Variants in TBC1D8B observed in about 807,000 individuals in gnomAD.
TBC1D8B encodes the protein TBC1 domain family member 8B, also known as RP11-321G1.1.
TBC1D8B carries 75 observed loss-of-function variants against 82.9 expected under a neutral mutation model. The ratio of observed to expected loss-of-function variants is 0.90; its 90% CI spans 0.75 to 1.10. The LOEUF (loss-of-function observed/expected upper bound fraction) is 1.10. Ranked by LOEUF, TBC1D8B falls within the 50% of genes least tolerant of loss-of-function variation. The pLI, the probability that TBC1D8B is intolerant of heterozygous loss-of-function variation, is 0.00. For missense variants in TBC1D8B, 794 were observed against 796.9 expected (o/e 1.00, Z 0.04); for synonymous variants, 276 against 276.8 (o/e 1.00, Z 0.03).
chrX:106,831,943 A>G (rs1435804669), intron 7 of TBC1D8B, among the ~76,000 whole-genome samples: 2 of 111,462 alleles, frequency 1.8e-5, no homozygotes, highest in Admixed American at 9.6e-5. Flanking sequence ...TCTAGTTTTA[A>G]TAATAGTACA....
chrX:106,823,611 G>A (rs967896843), intron 5 of TBC1D8B, 145 bp downstream of exon 5: 13 of 574,322 alleles, frequency 2.3e-5, no homozygotes, highest in Admixed American at 2.0e-4. Context: ...TGTGTTTTGT[G>A]AGTTTATTCA....
intron 10 of TBC1D8B, among the ~76,000 whole-genome samples, chrX:106,843,443 G>T (rs1932365147): frequency 9.0e-6 from 1 of 111,122 alleles, no homozygotes; most frequent in East Asian, 2.8e-4. Context: ...CTTTCTTTTT[G>T]ATTGCAGCCA....
In TBC1D8B at chrX:106,802,767, G is replaced by A. The variant is rs1931064470; in HGVS notation, c.-87G>A. On this transcript the variant is annotated 5_prime_UTR_variant, in exon 1 of 21. Coordinates refer to ENST00000357242, the MANE Select transcript of TBC1D8B (RefSeq NM_017752.3). ...GCTGTCGCCTGAGGAAGATTTGGTGGGAGGAGAAGCAGAGGGGAAGAGACG... is the reference window on the plus strand; with the variant it reads ...GCTGTCGCCTGAGGAAGATTTGGTGAGAGGAGAAGCAGAGGGGAAGAGACG... The A allele has an allele frequency of 8.7e-6, 10 of 1,154,510 alleles. No homozygotes were observed. Among genetic ancestry groups the A allele is most frequent in the Non-Finnish European group, 1.2e-5 (10 of 855,373 alleles).
At chrX:106,819,457 G>A (rs1931637917) in intron 2 of TBC1D8B, among the ~76,000 whole-genome samples, 1 of 110,771 alleles carries the variant, frequency 9.0e-6, no homozygotes, top group Non-Finnish European at 1.9e-5. Flanking sequence ...GTCTAAATTA[G>A]AATCCCAGAT....
chrX:106,871,928 G>A (rs757847501), intron 20 of TBC1D8B, among the ~76,000 whole-genome samples: 7 of 111,460 alleles, frequency 6.3e-5, no homozygotes, highest in African/African-American at 2.0e-4. Flanking sequence ...TTCTCTCCAC[G>A]TGGAGTTGGG....
chrX:106,846,403 C>T (rs763773510), intron 10 of TBC1D8B, among the ~76,000 whole-genome samples: 6 of 102,347 alleles, frequency 5.9e-5, no homozygotes, highest in East Asian at 3.1e-4. Flanking sequence ...CCACCGCACC[C>T]GGCCTAGATG....
chrX:106,844,482 T>TATATATATATAAAC (rs200115947), intron 10 of TBC1D8B, among the ~76,000 whole-genome samples: 4 of 103,984 alleles, frequency 3.8e-5, no homozygotes, highest in African/African-American at 1.1e-4. Context: ...TTTCCATATA[T>TATATATATATAAAC]ATATATATAT....
At position 106,854,252 on chromosome X, in the gene TBC1D8B, TTGTATGTGA is replaced by T. The variant is rs1569454920; in HGVS notation, c.2310_2318del (p.Tyr771_Ile773del). The T allele has an allele frequency of 8.4e-7, 1 of 1,197,224 alleles. No individual in the cohort carries two copies. ...ACATAGTATGCGCTGTCGAAATAGG[TTGTATGTGA>T]TACAGACCCTAGAGGAAACAACAAA... On this transcript the variant is annotated inframe_deletion, in exon 14 of 21. Transcript: ENST00000357242.
intron 1 of TBC1D8B, among the ~76,000 whole-genome samples, chrX:106,810,545 T>G (rs1931336720): frequency 8.9e-6 from 1 of 111,965 alleles, no homozygotes; most frequent in Non-Finnish European, 1.9e-5. Context: ...TGTCCACTGT[T>G]CTTTCAGTGG....
At chrX:106,821,209 C>T (rs1372179987) in intron 3 of TBC1D8B, among the ~76,000 whole-genome samples, 2 of 110,815 alleles carry the variant, frequency 1.8e-5, no homozygotes, top group African/African-American at 6.5e-5. Flanking sequence ...TCTCTTAAAA[C>T]ATACTGGTTA....
intron 10 of TBC1D8B, among the ~76,000 whole-genome samples, chrX:106,844,225 T>A (rs1318981335): frequency 1.5e-4 from 16 of 109,816 alleles, no homozygotes; most frequent in Admixed American, 1.1e-3. Context: ...TTGACCAGGC[T>A]AGAACCTTCG....
chrX:106,869,733 A>G (rs758593320), intron 19 of TBC1D8B, among the ~76,000 whole-genome samples, 192 bp downstream of exon 19: 2 of 112,346 alleles, frequency 1.8e-5, no homozygotes, highest in South Asian at 7.3e-4. Flanking sequence ...TAATTACAAA[A>G]GTAATAGATA....
chrX:106,845,495 T>C (rs1489357501), intron 10 of TBC1D8B, among the ~76,000 whole-genome samples: 3 of 90,145 alleles, frequency 3.3e-5, no homozygotes, highest in Non-Finnish European at 6.3e-5. Context: ...TTCCCCTTCC[T>C]GTGTCCATGT....
chrX:106,862,766 G>GTTTTTTTTTTTTTTTT (rs199693098), intron 14 of TBC1D8B, among the ~76,000 whole-genome samples: 9 of 35,801 alleles, frequency 2.5e-4, no homozygotes, highest in Admixed American at 6.3e-4. Context: ...CTTTGGATGG[G>GTTTTTTTTTTTTTTTT]TTTTTTTTTG....
In TBC1D8B at chrX:106,823,249, G is replaced by A; in HGVS notation, c.610G>A (p.Glu204Lys). The A allele has an allele frequency of 8.3e-7, 1 of 1,208,236 alleles. No homozygotes were observed. Residue 204 changes from glutamate to lysine, a missense_variant, in exon 5 of 21, where the codon GAA (glutamate) becomes AAA (lysine). Coordinates refer to ENST00000357242, the MANE Select transcript of TBC1D8B (RefSeq NM_017752.3). ...AGTAAAACTCATTATCTCCTGGGATGAAGTCTCAAAACTTGAAAAGACTTC... is the reference window on the plus strand; with the variant it reads ...AGTAAAACTCATTATCTCCTGGGATAAAGTCTCAAAACTTGAAAAGACTTC... ...SEIKLIISWDEVSKLEKTSNV... is the reference protein window; with the variant it reads ...SEIKLIISWDKVSKLEKTSNV...
chrX:106,873,584 G>A lies in TBC1D8B; in HGVS notation c.2982G>A (p.Gln994=), dbSNP rs1932864493. The A allele has an allele frequency of 8.4e-7, 1 of 1,196,809 alleles. No individual in the cohort carries two copies. Among genetic ancestry groups the A allele is most frequent in the African/African-American group, 1.8e-5 (1 of 56,993 alleles). Residue 994 remains glutamine (Q), a synonymous_variant, in exon 21 of 21, where the codon CAG becomes CAA. Coordinates refer to ENST00000357242, the MANE Select transcript of TBC1D8B (RefSeq NM_017752.3). ...LPRMNQSQFI[Q]FSKTLYNLFH... is the part of the protein sequence containing the mutation. ...GTGTCTTCTAGTCTCAGTTTATTCA[G>A]TTTTCAAAGACCCTCTATAACTTAT...
In TBC1D8B at chrX:106,874,128, G is replaced by A; in HGVS notation, c.*163G>A. 4.7e-6 allele frequency: 2 copies of A among 426,545 alleles called. No individual in the cohort carries two copies. Among genetic ancestry groups the A allele is most frequent in the Non-Finnish European group, 7.2e-6 (2 of 276,665 alleles). 35.2% of individuals were successfully genotyped at this position (426,545 alleles called of 1,213,427 possible). A position where few individuals can be genotyped will look rare whatever the true frequency, so the allele number is the denominator to read the frequency against. ...GCATCATTCCTTTGTTGTTGATAAT[G>A]GGCTTTGTTAGCACTTTTTAAAACA... On this transcript the variant is annotated 3_prime_UTR_variant, in exon 21 of 21. Coordinates refer to ENST00000357242, the MANE Select transcript of TBC1D8B (RefSeq NM_017752.3).
chrX:106,803,686 A>T (rs939609311), intron 1 of TBC1D8B, among the ~76,000 whole-genome samples: 5 of 111,765 alleles, frequency 4.5e-5, no homozygotes, highest in Non-Finnish European at 9.4e-5. Flanking sequence ...CAAAGCTGTG[A>T]TTGTAAGCCA....
intron 7 of TBC1D8B, among the ~76,000 whole-genome samples, chrX:106,830,334 T>C (rs1932001555): frequency 2.7e-5 from 3 of 111,702 alleles, no homozygotes; most frequent in African/African-American, 9.8e-5. Flanking sequence ...GGAACACTTT[T>C]ACACTGTTGG....
Sources: allele counts gnomAD v4.1 joint callset (sites outside exome capture counted in the v4.1 genomes callset), GRCh38; gene constraint gnomAD v4.1.1; transcripts MANE v1.5; gene names NCBI Gene and HGNC (gene_info 2026-07-23, HGNC 2026-07-21).